Variants in PCDHGB6 observed in about 807,000 individuals in gnomAD.
The protein encoded by PCDHGB6 is protocadherin gamma subfamily B, 6, also known as protocadherin gamma-B6.
Under a neutral mutation model 59.1 loss-of-function variants are expected in PCDHGB6, and 51 were observed. The ratio of observed to expected loss-of-function variants is 0.86; its 90% CI spans 0.69 to 1.09. The LOEUF (loss-of-function observed/expected upper bound fraction) is 1.09. PCDHGB6 is among the 50% of genes least tolerant of loss of function. PCDHGB6 has a pLI of 0.00. For missense variants in PCDHGB6, 1,148 were observed against 1,205.1 expected (o/e 0.95, Z 0.70); for synonymous variants, 466 against 495.1 (o/e 0.94, Z 0.78).
intron 1 of PCDHGB6, chr5:141,427,265 C>A (rs767369457): frequency 6.6e-6 from 3 of 456,572 alleles, no homozygotes; most frequent in Non-Finnish European, 8.8e-6. Context: ...GCATGACCAG[C>A]GAATGTAAAA....
chr5:141,413,824 A>C, intron 1 of PCDHGB6: 1 of 1,613,112 alleles, frequency 6.2e-7, no homozygotes, highest in South Asian at 1.1e-5. Flanking sequence ...CCTGGTCCTC[A>C]CCGCCTCCGA....
chr5:141,503,077 TCTC>T (rs1212079220), intron 2 of PCDHGB6, among the ~76,000 whole-genome samples: 1 of 151,810 alleles, frequency 6.6e-6, no homozygotes, highest in African/African-American at 2.4e-5. Flanking sequence ...ATGGTCTCGA[TCTC>T]CTGACCTCGT....
rs781198519 is a variant in PCDHGB6 at position 141,432,162 on chromosome 5, G to A, written c.2418+21542G>A. ...TATATCCCAGAGAACAATCCCAGAG[G>A]AGTTTCCCTCGTCTCTGTGACCGCC... On this transcript the variant is annotated intron_variant, in intron 1 of 3. Coordinates refer to ENST00000520790, the MANE Select transcript of PCDHGB6 (RefSeq NM_018926.3). The surrounding 1 kb of genome is among the most constrained non-coding windows in gnomAD (Gnocchi z 6.0). 1 of 1,614,070 alleles carries A rather than the reference G, an allele frequency of 6.2e-7. No homozygotes were observed. The highest frequency in any genetic ancestry group is 8.5e-7 in the Non-Finnish European group (1 of 1,180,030).
intron 1 of PCDHGB6, chr5:141,428,441 G>C: frequency 2.6e-6 from 1 of 389,280 alleles, no homozygotes; most frequent in Non-Finnish European, 4.9e-6. Context: ...ACTAGACCAG[G>C]GGTTTTTCCC....
chr5:141,465,800 C>G (rs1486100601), intron 1 of PCDHGB6, among the ~76,000 whole-genome samples: 2 of 151,524 alleles, frequency 1.3e-5, no homozygotes, highest in East Asian at 3.9e-4. Flanking sequence ...TTTAAGAAAC[C>G]CTTCAGGATC....
At chr5:141,506,308 G>A (rs941724820) in intron 3 of PCDHGB6, among the ~76,000 whole-genome samples, 8 of 152,100 alleles carry the variant, frequency 5.3e-5, no homozygotes. Flanking sequence ...AATTAGCTGG[G>A]CATGGTGGTG....
At position 141,485,073 on chromosome 5, in the gene PCDHGB6, C is replaced by T. The variant is rs1167407526; in HGVS notation, c.2419-9734C>T. ...CGGCCGAACCGCGCCAGAGCTGGCG[C>T]GGGGAAAGGGAGATAGGTGTCTCCA... On this transcript the variant is annotated intron_variant, in intron 1 of 3. Transcript: ENST00000520790. The surrounding 1 kb of genome is among the most constrained non-coding windows in gnomAD (Gnocchi z 5.7). 3.3e-6 allele frequency: 3 copies of T among 922,354 alleles called. No homozygotes were observed. The highest frequency in any genetic ancestry group is 4.8e-5 in the East Asian group (2 of 41,404). 57.1% of individuals were successfully genotyped at this position (922,354 alleles called of 1,614,324 possible).
chr5:141,502,655 C>T (rs72790073), intron 2 of PCDHGB6, among the ~76,000 whole-genome samples: 29,437 of 152,034 alleles, frequency 0.19, 2,877 homozygotes, highest in Middle Eastern at 0.24. Context: ...AGGCAGCAAC[C>T]CTTCATGCAA....
chr5:141,471,058 T>C (rs991869999), intron 1 of PCDHGB6, among the ~76,000 whole-genome samples: 2 of 149,826 alleles, frequency 1.3e-5, no homozygotes, highest in Non-Finnish European at 3.0e-5. Context: ...TTTTTTTTTT[T>C]TTTTTTTTGA....
intron 1 of PCDHGB6, among the ~76,000 whole-genome samples, chr5:141,445,793 CAG>C (rs1466260011): frequency 6.6e-6 from 1 of 152,132 alleles, no homozygotes; most frequent in Admixed American, 6.5e-5. Context: ...AGGCTAGAAA[CAG>C]AAAATAAATA....
At chr5:141,419,327 TC>T (rs774592605) in intron 1 of PCDHGB6, 1 of 1,613,856 alleles carries the variant, frequency 6.2e-7, no homozygotes, top group Non-Finnish European at 8.5e-7. Flanking sequence ...TGTCTCCTAC[TC>T]TCTCATTGCC....
intron 1 of PCDHGB6, among the ~76,000 whole-genome samples, chr5:141,435,175 C>T (rs1199067294): frequency 6.6e-6 from 1 of 152,030 alleles, no homozygotes; most frequent in East Asian, 1.9e-4. Context: ...TGGCTTTTAA[C>T]TACACTTGAG....
chr5:141,454,142 C>T (rs2098782408), intron 1 of PCDHGB6, among the ~76,000 whole-genome samples: 1 of 152,222 alleles, frequency 6.6e-6, no homozygotes, highest in Non-Finnish European at 1.5e-5. Context: ...GGAATGTTCA[C>T]ACTGCTACTT....
In PCDHGB6 at chr5:141,490,996, G is replaced by A; in HGVS notation, c.2419-3811G>A. ...GCGTCTCCCTCGCTCTGCTCCTCCT[G>A]GCTCCTTGGTCACCAAGGTGACAGC... is the stretch of plus-strand genomic sequence containing the variant. On this transcript the variant is annotated intron_variant, in intron 1 of 3. Transcript: ENST00000520790. This position sits in a 1 kb window ranked among gnomAD's most constrained non-coding sequence, Gnocchi z 5.4. The A allele has an allele frequency of 6.2e-7, 1 of 1,614,090 alleles. No individual in the cohort carries two copies. The highest frequency in any genetic ancestry group is 8.5e-7 in the Non-Finnish European group (1 of 1,180,028).
intron 1 of PCDHGB6, among the ~76,000 whole-genome samples, chr5:141,480,274 G>A (rs111260319): frequency 6.6e-6 from 1 of 152,036 alleles, no homozygotes; most frequent in Non-Finnish European, 1.5e-5. Context: ...CATTAGCTGG[G>A]TGTGTTGGCA....
At chr5:141,411,732 A>C (rs1437829295) in intron 1 of PCDHGB6, 4 of 152,694 alleles carry the variant, frequency 2.6e-5, no homozygotes, top group African/African-American at 9.7e-5. Flanking sequence ...ACATTTAAAA[A>C]TTAGCAGGGT....
Position 141,494,864 on chromosome 5 carries a change from G to T in PCDHGB6, c.2476G>T (p.Gly826Cys), listed in dbSNP as rs773899530. 12 of 1,613,950 alleles carry T rather than the reference G, an allele frequency of 7.4e-6. No individual in the cohort carries two copies. Among genetic ancestry groups the T allele is most frequent in the South Asian group, 1.1e-5 (1 of 91,080 alleles). ...TCAGGCCCAGAGACCCGGCACCAGC[G>T]GGTAGGTGACTGATTCTCCAGCCCA... Reference protein sequence around the residue: ...FSQAQRPGTSGSQNGDDTGTW... With the variant: ...FSQAQRPGTSCSQNGDDTGTW... Residue 826 changes from glycine to cysteine, a missense_variant and splice_region_variant, in exon 2 of 4, where the codon GGC becomes TGC. Physicochemically the swap from Gly to Cys is radical, Grantham distance 159 (BLOSUM62 -3). Around this residue, in one of 5 missense-constraint regions of PCDHGB6, gnomAD observed 283 missense variants for 318.6 expected, o/e 0.89. Coordinates refer to ENST00000520790, the MANE Select transcript of PCDHGB6 (RefSeq NM_018926.3).
intron 2 of PCDHGB6, among the ~76,000 whole-genome samples, chr5:141,504,422 T>G (rs1375202110): frequency 6.6e-6 from 1 of 152,078 alleles, no homozygotes; most frequent in Admixed American, 6.6e-5. Context: ...AGACAGGCAC[T>G]ACAACAGCTG....
chr5:141,421,586 T>A (rs750525078), intron 1 of PCDHGB6: 2 of 1,613,602 alleles, frequency 1.2e-6, no homozygotes, highest in Admixed American at 3.3e-5. Context: ...ATTTACGGAG[T>A]GGAGGTGGAA....
Sources: gnomAD v4.1 joint callset for allele counts (sites outside exome capture counted in the v4.1 genomes callset) on GRCh38, gnomAD v4.1.1 for gene constraint, gnomAD v4.1.1 regional missense constraint, Gnocchi (gnomAD v3.1) non-coding constraint, MANE v1.5 for transcripts, NCBI Gene and HGNC (gene_info 2026-07-23, HGNC 2026-07-21) for gene names.